The following RAB27B variants were observed in gnomAD, a reference collection of about 807,000 sequenced individuals.
RAB27B encodes the protein RAB27B, member RAS oncogene family.
In RAB27B, 15 loss-of-function variants were observed where a neutral mutation model predicts 24.6. The ratio of observed to expected loss-of-function variants is 0.61; its 90% CI spans 0.41 to 0.94. RAB27B has a LOEUF of 0.94. Among genes scored for constraint, RAB27B ranks in the 40% least tolerant of loss-of-function variants. The pLI, the probability that RAB27B is intolerant of heterozygous loss-of-function variation, is 0.00. For synonymous variants in RAB27B, 105 were observed against 92.5 expected (o/e 1.14, Z -0.78); for missense variants, 261 against 266.8 (o/e 0.98, Z 0.15).
chr18:54,792,655 A>G (rs1345036849), intron 2 of RAB27B, among the ~76,000 whole-genome samples: 4 of 152,126 alleles, frequency 2.6e-5, no homozygotes, highest in East Asian at 1.9e-4. Context: ...TGCTATTACT[A>G]TCTTCTTTCA....
intron 2 of RAB27B, among the ~76,000 whole-genome samples, chr18:54,772,387 A>G (rs1908578766): frequency 6.6e-6 from 1 of 152,230 alleles, no homozygotes; most frequent in Non-Finnish European, 1.5e-5. Flanking sequence ...GTGCAAATGA[A>G]GACTGGGAAT....
intron 2 of RAB27B, among the ~76,000 whole-genome samples, chr18:54,767,602 G>A (rs1163976150): frequency 3.3e-5 from 5 of 152,160 alleles, no homozygotes; most frequent in South Asian, 2.1e-4. Flanking sequence ...GATGATGATC[G>A]TGAATAATAG....
intron 1 of RAB27B, among the ~76,000 whole-genome samples, chr18:54,843,156 T>A (rs757794176): frequency 1.3e-5 from 2 of 152,170 alleles, no homozygotes; most frequent in African/African-American, 4.8e-5. Context: ...TCACTGTCTT[T>A]CAAATTCATT....
chr18:54,892,981 T>C lies in RAB27B; in HGVS notation c.*3568T>C, dbSNP rs576948783. 1.3e-5 allele frequency: 2 copies of C among 152,134 alleles called. No homozygotes were observed. Among genetic ancestry groups the C allele is most frequent in the Admixed American group, 1.3e-4 (2 of 15,250 alleles). The allele number at this position is 152,134 out of a possible 1,614,324, so 9.4% of individuals were successfully genotyped here. On this transcript the variant is annotated 3_prime_UTR_variant, in exon 6 of 6. Coordinates refer to ENST00000262094, the MANE Select transcript of RAB27B (RefSeq NM_004163.4). ...AAATAATTTAATAGCCACAATATGA[T>C]GTTCTTTAAGCTGCAAATTGAGTAC...
intron 2 of RAB27B, among the ~76,000 whole-genome samples, chr18:54,816,598 A>T (rs12458327): frequency 6.6e-6 from 1 of 152,216 alleles, no homozygotes; most frequent in Non-Finnish European, 1.5e-5. Flanking sequence ...GATAGTCTCA[A>T]AGAAAGTGAA....
intron 2 of RAB27B, among the ~76,000 whole-genome samples, chr18:54,821,959 G>A (rs1039866880): frequency 5.3e-5 from 8 of 152,090 alleles, no homozygotes; most frequent in African/African-American, 1.9e-4. Flanking sequence ...CACCATGTCG[G>A]CCAGGCTGGT....
intron 2 of RAB27B, among the ~76,000 whole-genome samples, chr18:54,754,231 C>G (rs1346569913): frequency 2.0e-5 from 3 of 152,120 alleles, no homozygotes; most frequent in Non-Finnish European, 4.4e-5. Flanking sequence ...GGTAGCTCCT[C>G]TCTTGTTCTC....
intron 2 of RAB27B, among the ~76,000 whole-genome samples, chr18:54,732,003 G>A (rs1419150132): frequency 1.3e-5 from 2 of 152,076 alleles, no homozygotes; most frequent in African/African-American, 4.8e-5. Flanking sequence ...CAGATCTTTA[G>A]CAACTTTGCT....
At position 54,840,491 on chromosome 18, in the gene RAB27B, T is replaced by G. The variant is rs552797005; in HGVS notation, c.-20+11791T>G. ...AAAAATAGAGTTGTACAAGAAGAAT[T>G]TGGGGCAAAAATAACTTTATCAGTA... On this transcript the variant is annotated intron_variant, in intron 1 of 5. Coordinates refer to ENST00000262094, the MANE Select transcript of RAB27B (RefSeq NM_004163.4). Among the ~76,000 whole-genome samples, 5 of 152,292 alleles carry G rather than the reference T, an allele frequency of 3.3e-5. No homozygotes were observed. The East Asian group carries it at 9.6e-4, about 29-fold the overall frequency.
At chr18:54,843,151 G>A (rs1911184331) in intron 1 of RAB27B, among the ~76,000 whole-genome samples, 1 of 152,180 alleles carries the variant, frequency 6.6e-6, no homozygotes, top group Non-Finnish European at 1.5e-5. Context: ...GTAAATCACT[G>A]TCTTTCAAAT....
At chr18:54,825,792 G>A (rs1910451962), upstream of RAB27B, among the ~76,000 whole-genome samples, 1 of 152,106 alleles carries the variant, frequency 6.6e-6, no homozygotes, top group Admixed American at 6.6e-5. Context: ...GTGGGGAAGG[G>A]AACTCTGGGT....
At chr18:54,753,645 C>G (rs1322487827) in intron 2 of RAB27B, among the ~76,000 whole-genome samples, 1 of 150,848 alleles carries the variant, frequency 6.6e-6, no homozygotes, top group Non-Finnish European at 1.5e-5. Context: ...TTTTCTTCTT[C>G]ACCCAGATTT....
intron 2 of RAB27B, among the ~76,000 whole-genome samples, chr18:54,795,122 T>A (rs1909374883): frequency 6.6e-6 from 1 of 152,198 alleles, no homozygotes; most frequent in South Asian, 2.1e-4. Context: ...CACTTATGGT[T>A]AATTTTACAG....
chr18:54,810,092 G>A (rs551591612), intron 2 of RAB27B, among the ~76,000 whole-genome samples: 1 of 152,230 alleles, frequency 6.6e-6, no homozygotes, highest in South Asian at 2.1e-4. Context: ...CATATACAAA[G>A]AAGAACAAGT....
chr18:54,834,123 A>G (rs1230421888), intron 1 of RAB27B, among the ~76,000 whole-genome samples: 1 of 152,244 alleles, frequency 6.6e-6, no homozygotes, highest in Non-Finnish European at 1.5e-5. Flanking sequence ...TTAAGAATTG[A>G]TAGTGAAAGT....
At chr18:54,884,718 C>T (rs1464048234) in intron 4 of RAB27B, among the ~76,000 whole-genome samples, 1 of 152,084 alleles carries the variant, frequency 6.6e-6, no homozygotes, top group East Asian at 1.9e-4. Context: ...TTATTATTGT[C>T]ATTGAAAGGC....
At chr18:54,778,196 A>G (rs1436667239) in intron 2 of RAB27B, among the ~76,000 whole-genome samples, 1 of 152,184 alleles carries the variant, frequency 6.6e-6, no homozygotes, top group East Asian at 1.9e-4. Context: ...AAGGTGCTCC[A>G]GGGTTAGCAT....
chr18:54,888,134 T>C lies in RAB27B; in HGVS notation c.467+16T>C, dbSNP rs1472394657. The C allele has an allele frequency of 9.3e-6, 15 of 1,611,264 alleles. No individual in the cohort carries two copies. The highest frequency in any genetic ancestry group is 1.3e-5 in the African/African-American group (1 of 74,780). ...ACAAATATGGGTAAGTCAGTTACAC[T>C]GAGATGGCATGTGACTTGCACACTG... On this transcript the variant is annotated intron_variant, in intron 5 of 5. Transcript: ENST00000262094.
chr18:54,720,844 G>A (rs938729481), intron 2 of RAB27B, among the ~76,000 whole-genome samples: 13 of 152,014 alleles, frequency 8.6e-5, no homozygotes, highest in Non-Finnish European at 1.8e-4. Context: ...TCTAATATGA[G>A]TTTTTAAGAA....
Sources: gnomAD v4.1 joint callset for allele counts (sites outside exome capture counted in the v4.1 genomes callset) on GRCh38, gnomAD v4.1.1 for gene constraint, MANE v1.5 for transcripts, NCBI Gene and HGNC (gene_info 2026-07-23, HGNC 2026-07-21) for gene names.